The following MAP2 variants were observed in gnomAD, a reference collection of about 807,000 sequenced individuals.
MAP2 encodes the protein microtubule-associated protein 2.
MAP2 carries 14 observed loss-of-function variants against 137.6 expected under a neutral mutation model. The ratio of observed to expected loss-of-function variants is 0.10; its 90% CI spans 0.07 to 0.16. MAP2 has a LOEUF of 0.16. MAP2 is among the 10% of genes least tolerant of loss of function. The probability of loss-of-function intolerance (pLI) is 1.00; values close to 1 mark genes in which losing one functional copy is unlikely to be tolerated. For synonymous variants in MAP2, 786 were observed against 782.3 expected, an observed-to-expected ratio of 1.00 and a Z score of -0.08; for missense variants, 2,088 against 2,191.5, an observed-to-expected ratio of 0.95 and a Z score of 0.94.
chr2:209,443,876 C>CT (rs1236353615), intron 1 of MAP2, among the ~76,000 whole-genome samples: 1 of 151,554 alleles, frequency 6.6e-6, no homozygotes, highest in African/African-American at 2.4e-5. Flanking sequence ...TGAGCTAAAA[C>CT]TTTAATCTAC....
chr2:209,696,588 A>C lies in MAP2; in HGVS notation c.4227A>C (p.Lys1409Asn). 1 of 1,613,914 alleles carries C rather than the reference A, an allele frequency of 6.2e-7. No homozygotes were observed. Among genetic ancestry groups the C allele is most frequent in the South Asian group, 1.1e-5 (1 of 91,050 alleles). Residue 1409 changes from lysine (K) to asparagine (N), a missense_variant, in exon 9 of 16, where the codon AAA (lysine) becomes AAC (asparagine). Physicochemically the swap from Lys to Asn is moderately conservative, Grantham distance 94. Coordinates refer to ENST00000682079, the MANE Select transcript of MAP2 (RefSeq NM_001375505.1). Reference sequence around the variant, plus strand: ...CAGAACAGTTAGAAACTATTCCTAAAGAGGAGAAAGCTGAAAAGGAAGCTC... The same window carrying C: ...CAGAACAGTTAGAAACTATTCCTAACGAGGAGAAAGCTGAAAAGGAAGCTC... ...IMTEQLETIP[K>N]EEKAEKEARR... is the part of the protein sequence containing the mutation.
intron 3 of MAP2, among the ~76,000 whole-genome samples, chr2:209,601,606 T>C (rs1366637840): frequency 1.3e-5 from 2 of 152,166 alleles, no homozygotes; most frequent in African/African-American, 4.8e-5. Context: ...TTTTATTTCT[T>C]TAGTGTTTTC....
chr2:209,601,500 A>T (rs1165760671), intron 3 of MAP2, among the ~76,000 whole-genome samples: 1 of 152,176 alleles, frequency 6.6e-6, no homozygotes, highest in Non-Finnish European at 1.5e-5. Context: ...ACATAGCTTT[A>T]ATGGTTCATT....
At chr2:209,428,927 A>AT (rs1375375163) in intron 1 of MAP2, among the ~76,000 whole-genome samples, 12 of 29,606 alleles carry the variant, frequency 4.1e-4, no homozygotes, top group East Asian at 3.1e-3. Context: ...ATTTTATTTT[A>AT]TTTATTTATT....
intron 1 of MAP2, among the ~76,000 whole-genome samples, chr2:209,462,893 C>T (rs1703174910): frequency 6.6e-6 from 1 of 152,106 alleles, no homozygotes; most frequent in African/African-American, 2.4e-5. Flanking sequence ...ATAATAGAGG[C>T]TTTTGGGAGC....
chr2:209,550,173 G>T (rs1282633046), intron 2 of MAP2, among the ~76,000 whole-genome samples: 1 of 151,994 alleles, frequency 6.6e-6, no homozygotes, highest in Admixed American at 6.6e-5. Flanking sequence ...GATTGCTCTT[G>T]GTATAAGACA....
At chr2:209,571,430 G>A (rs886965402) in intron 2 of MAP2, among the ~76,000 whole-genome samples, 2 of 151,862 alleles carry the variant, frequency 1.3e-5, no homozygotes, top group Non-Finnish European at 2.9e-5. Context: ...TGCTCTGGAA[G>A]TTCATATATT....
Position 209,694,571 on chromosome 2 carries a change from G to A in MAP2, c.2401G>A (p.Val801Ile), listed in dbSNP as rs1187763554. ...LAKDFYKNGTVMAPDLPEMLD... is the reference protein window; with the variant it reads ...LAKDFYKNGTIMAPDLPEMLD... ...CAAAGATTTTTACAAAAATGGTACT[G>A]TCATGGCACCTGACCTTCCTGAAAT... The change falls in exon 8 of 16, where the codon GTC becomes ATC. Residue 801 changes from valine to isoleucine, a missense_variant. By Grantham distance (29) the Val-to-Ile change is conservative. Around this residue, in one of 6 missense-constraint regions of MAP2, gnomAD observed 500 missense variants for 482.9 expected, o/e 1.04. Transcript: ENST00000682079. 15 of 1,613,942 alleles carry A rather than the reference G, an allele frequency of 9.3e-6. No individual in the cohort carries two copies. Among genetic ancestry groups the A allele is most frequent in the Middle Eastern group, 1.6e-4 (1 of 6,082 alleles).
intron 2 of MAP2, among the ~76,000 whole-genome samples, chr2:209,520,092 A>C (rs1208249595): frequency 6.6e-6 from 1 of 152,102 alleles, no homozygotes; most frequent in Non-Finnish European, 1.5e-5. Context: ...AATGTGGGCC[A>C]TCTGCCTCCC....
intron 1 of MAP2, among the ~76,000 whole-genome samples, chr2:209,427,978 A>G (rs1362385245): frequency 1.3e-5 from 2 of 152,178 alleles, no homozygotes; most frequent in Non-Finnish European, 2.9e-5. Context: ...TTCTGTTTCA[A>G]CATATTTTGT....
chr2:209,550,103 G>A (rs1289066533), intron 2 of MAP2, among the ~76,000 whole-genome samples: 3 of 152,092 alleles, frequency 2.0e-5, no homozygotes, highest in Admixed American at 1.3e-4. Flanking sequence ...TCAATCCCGG[G>A]GGAAGCTATA....
intron 1 of MAP2, among the ~76,000 whole-genome samples, chr2:209,503,124 T>C (rs998838582): frequency 6.6e-6 from 1 of 151,384 alleles, no homozygotes; most frequent in African/African-American, 2.4e-5. Context: ...CTCAGCCTCC[T>C]GGGTAGCTGG....
intron 3 of MAP2, among the ~76,000 whole-genome samples, chr2:209,595,177 A>G (rs929959783): frequency 3.3e-5 from 5 of 151,742 alleles, no homozygotes; most frequent in Admixed American, 2.0e-4. Context: ...TCAGCTAAGT[A>G]AAAATAAATG....
At chr2:209,615,347 T>C (rs2088838562) in intron 3 of MAP2, among the ~76,000 whole-genome samples, 1 of 152,142 alleles carries the variant, frequency 6.6e-6, no homozygotes, top group African/African-American at 2.4e-5. Flanking sequence ...ACCTCATGTC[T>C]TAAGAACCTT....
In MAP2 at chr2:209,695,683, G is replaced by A; in HGVS notation, c.3513G>A (p.Val1171=). 6.2e-7 allele frequency: 1 copy of A among 1,614,078 alleles called. No homozygotes were observed. Among genetic ancestry groups the A allele is most frequent in the Non-Finnish European group, 8.5e-7 (1 of 1,179,992 alleles). ...ATGAGATTGCCGTCAAATTGTCAGT[G>A]GAAATACCTTGCCCACCTGCTGTTT... ...IQDEIAVKLS[V]EIPCPPAVSE... Residue 1171 remains valine, a synonymous_variant, in exon 8 of 16, where the codon GTG becomes GTA. Coordinates refer to ENST00000682079, the MANE Select transcript of MAP2 (RefSeq NM_001375505.1).
At chr2:209,599,214 T>C (rs1204330759) in intron 3 of MAP2, among the ~76,000 whole-genome samples, 1 of 152,064 alleles carries the variant, frequency 6.6e-6, no homozygotes, top group African/African-American at 2.4e-5. Context: ...GTGAGCATTT[T>C]TTCATGTGTT....
intron 1 of MAP2, among the ~76,000 whole-genome samples, chr2:209,446,077 C>T (rs537924942): frequency 2.6e-5 from 4 of 151,232 alleles, no homozygotes; most frequent in African/African-American, 4.8e-5. Context: ...AATTTAATGC[C>T]GTAATATGGT....
Position 209,527,190 on chromosome 2 carries a change from G to T in MAP2, c.-172+19549G>T, listed in dbSNP as rs1445006322. On this transcript the variant is annotated intron_variant, in intron 2 of 15. Transcript: ENST00000682079. ...CATCGTTCCTGTATCACCCTGTGTA[G>T]AAATAAAAAAGAACACTTAATCCTC... 2.6e-5 allele frequency among the ~76,000 whole-genome samples: 4 copies of T among 152,040 alleles called. No individual in the cohort carries two copies. In the East Asian group the frequency reaches 5.8e-4, roughly 22 times the overall value.
chr2:209,679,523 T>G (rs79034830), intron 6 of MAP2, among the ~76,000 whole-genome samples: 37,134 of 151,734 alleles, frequency 0.24, 7,731 homozygotes, highest in African/African-American at 0.58. Context: ...GAAAGGTGTG[T>G]TTTTAAAGGC....
Sources: gnomAD v4.1 joint callset for allele counts (sites outside exome capture counted in the v4.1 genomes callset) on GRCh38, gnomAD v4.1.1 for gene constraint, gnomAD v4.1.1 regional missense constraint, MANE v1.5 for transcripts, NCBI Gene and HGNC (gene_info 2026-07-23, HGNC 2026-07-21) for gene names.